Variants in PDE3A observed in about 807,000 individuals in gnomAD.
PDE3A encodes cGMP-inhibited 3',5'-cyclic phosphodiesterase 3A.
A neutral mutation model predicts 98.3 loss-of-function variants in PDE3A; 43 were observed. The observed-to-expected ratio is 0.44, with a 90% CI of 0.34 to 0.56. The LOEUF is 0.56. Ranked by LOEUF, PDE3A falls within the 20% of genes least tolerant of loss-of-function variation. The probability of loss-of-function intolerance (pLI) is 0.01; values close to 1 mark genes in which losing one functional copy is unlikely to be tolerated. For synonymous variants in PDE3A, 663 were observed against 567.9 expected, an observed-to-expected ratio of 1.17 and a Z score of -2.38; for missense variants, 1,427 against 1,440.7, an observed-to-expected ratio of 0.99 and a Z score of 0.15.
chr12:20,653,834 A>C, intron 14 of PDE3A, 113 bp from the exon 15 acceptor site: 1,240 of 897,984 alleles, frequency 1.4e-3, no homozygotes, highest in Non-Finnish European at 2.0e-3. Flanking sequence ...CACTTGAGGT[A>C]GGATCCTTTA....
intron 1 of PDE3A, among the ~76,000 whole-genome samples, chr12:20,492,571 G>A (rs915032250): frequency 2.0e-5 from 3 of 152,122 alleles, no homozygotes; most frequent in Non-Finnish European, 2.9e-5. Context: ...AGGACCAAAG[G>A]CACGAGGAGA....
Position 20,408,443 on chromosome 12 carries a change from G to A in PDE3A, c.960+38199G>A, listed in dbSNP as rs551155917. 3.9e-5 allele frequency among the ~76,000 whole-genome samples: 6 copies of A among 152,240 alleles called. No individual in the cohort carries two copies. The South Asian group carries it at 1.2e-3, about 32-fold the overall frequency. ...ATACTCTAGTTTAATTTACATGGCTGTTTGGCTCTGTTAATGATAGAAAAC... is the reference window on the plus strand; with the variant it reads ...ATACTCTAGTTTAATTTACATGGCTATTTGGCTCTGTTAATGATAGAAAAC... On this transcript the variant is annotated intron_variant, in intron 1 of 15. Coordinates refer to ENST00000359062, the MANE Select transcript of PDE3A (RefSeq NM_000921.5).
chr12:20,526,297 A>G (rs1420551338), intron 1 of PDE3A, among the ~76,000 whole-genome samples: 2 of 152,066 alleles, frequency 1.3e-5, no homozygotes, highest in African/African-American at 4.8e-5. Flanking sequence ...GTATCTTTTT[A>G]TTGGCTTTTA....
chr12:20,468,181 C>T (rs1945376850), intron 1 of PDE3A, among the ~76,000 whole-genome samples: 1 of 152,016 alleles, frequency 6.6e-6, no homozygotes, highest in South Asian at 2.1e-4. Flanking sequence ...TTTCCATTTG[C>T]AATTGATTTC....
At position 20,639,942 on chromosome 12, in the gene PDE3A, T is replaced by A; in HGVS notation, c.2236T>A (p.Tyr746Asn). 7.4e-7 allele frequency: 1 copy of A among 1,347,094 alleles called. No homozygotes were observed. Among genetic ancestry groups the A allele is most frequent in the Non-Finnish European group, 1.1e-6 (1 of 937,860 alleles). The allele number at this position is 1,347,094 out of a possible 1,614,324, so 83.4% of individuals were successfully genotyped here. A position where few individuals can be genotyped will look rare whatever the true frequency, so the allele number is the denominator to read the frequency against. ...TTATTTTCATGCTTTGGAGATTGGA[T>A]ATAGGGATATTCCTTGTAAGTATAT... The part of the protein sequence containing the change: ...MNYFHALEIG[Y>N]RDIPYHNRIH... The change falls in exon 10 of 16, where the codon TAT becomes AAT. Residue 746 changes from tyrosine to asparagine, a missense_variant. Physicochemically the swap from Tyr to Asn is moderately radical, Grantham distance 143. Transcript: ENST00000359062.
chr12:20,640,934 T>C (rs1205298090), intron 10 of PDE3A, among the ~76,000 whole-genome samples: 1 of 152,112 alleles, frequency 6.6e-6, no homozygotes. Context: ...TTTAAAAGTT[T>C]TAAAAGCTTT....
chr12:20,532,898 G>A (rs937349849), intron 1 of PDE3A, among the ~76,000 whole-genome samples: 71 of 151,986 alleles, frequency 4.7e-4, no homozygotes, highest in African/African-American at 1.7e-3. Context: ...CCTTGGTCTC[G>A]ATCTCCTGAC....
At chr12:20,672,594 G>A (rs1226661389) in intron 15 of PDE3A, among the ~76,000 whole-genome samples, 2 of 144,518 alleles carry the variant, frequency 1.4e-5, no homozygotes, top group Non-Finnish European at 3.0e-5. Context: ...AACAAGCAAT[G>A]GGGAAAGGAT....
intron 1 of PDE3A, among the ~76,000 whole-genome samples, chr12:20,499,669 A>G (rs1407953661): frequency 2.0e-5 from 3 of 152,100 alleles, no homozygotes; most frequent in Non-Finnish European, 2.9e-5. Context: ...CTACCTTTAC[A>G]TATATTCAAT....
chr12:20,520,634 G>A (rs1446330444), intron 1 of PDE3A, among the ~76,000 whole-genome samples: 1 of 152,212 alleles, frequency 6.6e-6, no homozygotes, highest in Non-Finnish European at 1.5e-5. Flanking sequence ...AAAACATAAA[G>A]TAGCAGGACA....
chr12:20,412,408 G>C (rs11045224), intron 1 of PDE3A, among the ~76,000 whole-genome samples: 93,894 of 152,000 alleles, frequency 0.62, 30,760 homozygotes, highest in East Asian at 0.88. Context: ...GAAATTATTA[G>C]TGTTCCTTTT....
At chr12:20,678,668 A>C (rs1945697158) in intron 15 of PDE3A, among the ~76,000 whole-genome samples, 1 of 152,206 alleles carries the variant, frequency 6.6e-6, no homozygotes, top group South Asian at 2.1e-4. Flanking sequence ...AACTGTAGCC[A>C]GCTCTAAGTT....
chr12:20,630,676 A>G (rs1444995073), intron 6 of PDE3A, among the ~76,000 whole-genome samples: 1 of 152,210 alleles, frequency 6.6e-6, no homozygotes, highest in East Asian at 1.9e-4. Context: ...AGTGTTATCT[A>G]TCACAGAGGT....
intron 1 of PDE3A, among the ~76,000 whole-genome samples, chr12:20,432,751 T>G (rs1487979671): frequency 6.6e-6 from 1 of 152,186 alleles, no homozygotes; most frequent in Non-Finnish European, 1.5e-5. Context: ...TTTTAAAACC[T>G]GTGTTACATT....
At chr12:20,673,642 T>A (rs558846442) in intron 15 of PDE3A, among the ~76,000 whole-genome samples, 1 of 147,106 alleles carries the variant, frequency 6.8e-6, no homozygotes, top group Non-Finnish European at 1.5e-5. Flanking sequence ...TAGGTGGGAA[T>A]TGAACAATGA....
At chr12:20,407,576 C>T (rs748322829) in intron 1 of PDE3A, among the ~76,000 whole-genome samples, 14 of 152,012 alleles carry the variant, frequency 9.2e-5, no homozygotes, top group African/African-American at 3.4e-4. Flanking sequence ...GTTGGTGGTG[C>T]TTTGGGGTCC....
intron 1 of PDE3A, among the ~76,000 whole-genome samples, chr12:20,438,616 G>T (rs1944816821): frequency 6.6e-6 from 1 of 152,292 alleles, no homozygotes; most frequent in South Asian, 2.1e-4. Context: ...TTATCACACA[G>T]GATATGGACT....
intron 9 of PDE3A, among the ~76,000 whole-genome samples, chr12:20,637,473 G>T (rs1211521957): frequency 6.7e-6 from 1 of 149,362 alleles, no homozygotes; most frequent in Non-Finnish European, 1.5e-5. Context: ...GACAAAGTAG[G>T]TGGGGATAGA....
At chr12:20,640,177 A>C (rs1275199693) in intron 10 of PDE3A, among the ~76,000 whole-genome samples, 1 of 152,050 alleles carries the variant, frequency 6.6e-6, no homozygotes, top group Non-Finnish European at 1.5e-5. Context: ...TAAGCTCTAC[A>C]TGCCTCATTT....
Sources: allele counts gnomAD v4.1 joint callset (sites outside exome capture counted in the v4.1 genomes callset), GRCh38; gene constraint gnomAD v4.1.1; transcripts MANE v1.5; gene names NCBI Gene and HGNC (gene_info 2026-07-23, HGNC 2026-07-21).